KIF13B: variants seen among roughly 807,000 people sequenced by gnomAD.
The protein encoded by KIF13B is kinesin-like protein KIF13B.
Under a neutral mutation model 222.0 loss-of-function variants are expected in KIF13B, and 127 were observed. The observed-to-expected ratio is 0.57, with a 90% CI of 0.50 to 0.66. The LOEUF is 0.66. Ranked by LOEUF, KIF13B falls within the 30% of genes least tolerant of loss-of-function variation. The pLI is 0.00. For synonymous variants in KIF13B, 976 were observed against 919.0 expected (o/e 1.06, Z -1.12); for missense variants, 2,173 against 2,379.0 (o/e 0.91, Z 1.80).
Position 29,123,434 on chromosome 8 carries a change from T to G in KIF13B, c.3411A>C (p.Leu1137=), listed in dbSNP as rs1243895999. The part of the protein sequence containing the change: ...EAQLLEMRLT[L]TEERNAVMVP... ...CCATCACCGCGTTCCTCTCCTCAGTTAGGGTCAACCGCATCTCCAGAAGCT... is the reference window on the plus strand; with the variant it reads ...CCATCACCGCGTTCCTCTCCTCAGTGAGGGTCAACCGCATCTCCAGAAGCT... Residue 1137 remains leucine (L), a synonymous_variant, in exon 28 of 40, where the codon CTA becomes CTC. Coordinates refer to ENST00000524189, the MANE Select transcript of KIF13B (RefSeq NM_015254.4). The G allele has an allele frequency of 6.2e-7, 1 of 1,614,064 alleles. No individual in the cohort carries two copies.
At chr8:29,209,671 A>G (rs1586929248) in intron 2 of KIF13B, among the ~76,000 whole-genome samples, 1 of 152,266 alleles carries the variant, frequency 6.6e-6, no homozygotes, top group African/African-American at 2.4e-5. Context: ...GAGAACTGGC[A>G]CAAGCTTTGG....
intron 36 of KIF13B, among the ~76,000 whole-genome samples, chr8:29,095,307 A>G (rs951303641): frequency 2.6e-4 from 39 of 152,374 alleles, no homozygotes; most frequent in African/African-American, 8.4e-4. Context: ...AGCAGAAAAG[A>G]AGGAGCTGGA....
In KIF13B at chr8:29,180,250, C is replaced by G. The variant is rs781608099; in HGVS notation, c.586-12G>C. 80 of 1,613,664 alleles carry G rather than the reference C, an allele frequency of 5.0e-5. No individual in the cohort carries two copies. Among genetic ancestry groups the G allele is most frequent in the Non-Finnish European group, 6.6e-5 (78 of 1,179,714 alleles). On this transcript the variant is annotated splice_polypyrimidine_tract_variant and intron_variant, in intron 7 of 39. Transcript: ENST00000524189. ...AACGACTCAATATCCTAAGTGGAAA[C>G]AAGTCATAGACCCACGTTTCATTAC...
chr8:29,251,348 G>C lies in KIF13B; in HGVS notation c.56-5909C>G, dbSNP rs376472481. On this transcript the variant is annotated intron_variant, in intron 1 of 39. Coordinates refer to ENST00000524189, the MANE Select transcript of KIF13B (RefSeq NM_015254.4). ...AAAAACAGCACTAAAGTGTACCCGT[G>C]TTCACAGCAGCAGCTAAAATGCAGA... 2.0e-5 allele frequency among the ~76,000 whole-genome samples: 3 copies of C among 152,312 alleles called. No individual in the cohort carries two copies. The East Asian group carries it at 5.8e-4, about 29-fold the overall frequency.
At chr8:29,122,753 T>A in intron 28 of KIF13B, 107 bp from the exon 29 acceptor site, 1 of 852,982 alleles carries the variant, frequency 1.2e-6, no homozygotes. Flanking sequence ...GGCAAAGCAG[T>A]AATAACCCTG....
chr8:29,114,058 G>T (rs1728719839), intron 31 of KIF13B, among the ~76,000 whole-genome samples: 1 of 152,202 alleles, frequency 6.6e-6, no homozygotes, highest in Non-Finnish European at 1.5e-5. Flanking sequence ...TGTTTATGCT[G>T]ACTGCGCTCT....
At chr8:29,205,779 T>C (rs781602137) in intron 2 of KIF13B, among the ~76,000 whole-genome samples, 1 of 152,080 alleles carries the variant, frequency 6.6e-6, no homozygotes, top group Non-Finnish European at 1.5e-5. Context: ...GTTGGAAAGC[T>C]TGGTACTTCA....
chr8:29,263,161 G>A, upstream of KIF13B: 4 of 781,626 alleles, frequency 5.1e-6, no homozygotes, highest in African/African-American at 1.9e-5. Flanking sequence ...GGGCGGGGCC[G>A]GCGCGAGCTC....
At chr8:29,124,400 A>G (rs1210083294) in intron 26 of KIF13B, among the ~76,000 whole-genome samples, 4 of 152,200 alleles carry the variant, frequency 2.6e-5, no homozygotes, top group East Asian at 1.9e-4. Context: ...ACCTGCAACA[A>G]AAATCTTCTA....
chr8:29,230,067 G>C (rs1427183733), intron 2 of KIF13B, among the ~76,000 whole-genome samples: 1 of 152,164 alleles, frequency 6.6e-6, no homozygotes, highest in Non-Finnish European at 1.5e-5. Context: ...CCATGTACCA[G>C]ACATTTTACA....
At chr8:29,087,738 C>A (rs943216258) in intron 37 of KIF13B, among the ~76,000 whole-genome samples, 6 of 152,106 alleles carry the variant, frequency 3.9e-5, no homozygotes, top group African/African-American at 9.7e-5. Context: ...TTAGGAAGCA[C>A]CCTGGCGAGA....
intron 19 of KIF13B, 116 bp downstream of exon 19, chr8:29,142,041 A>G: frequency 1.4e-6 from 1 of 706,114 alleles, no homozygotes; most frequent in Non-Finnish European, 2.3e-6. Flanking sequence ...ACCTTACTCC[A>G]GAAATAGGAT....
At chr8:29,127,893 ATT>A (rs1362210678) in intron 24 of KIF13B, among the ~76,000 whole-genome samples, 10 of 152,056 alleles carry the variant, frequency 6.6e-5, no homozygotes, top group East Asian at 1.9e-4. Context: ...TAACTTTATT[ATT>A]TGTTTTATAC....
intron 38 of KIF13B, 83 bp downstream of exon 38, chr8:29,075,198 G>A (rs1320361753): frequency 6.7e-6 from 7 of 1,044,206 alleles, no homozygotes; most frequent in Non-Finnish European, 1.0e-5. Flanking sequence ...ATCAAAAACT[G>A]TGGGTGTGGA....
intron 10 of KIF13B, 81 bp from the exon 11 acceptor site, chr8:29,167,666 T>G: frequency 8.5e-7 from 1 of 1,179,030 alleles, no homozygotes; most frequent in Non-Finnish European, 1.2e-6. Flanking sequence ...TCAAAAATGG[T>G]GAACAAATTT....
At chr8:29,144,749 A>G (rs928531494) in intron 18 of KIF13B, among the ~76,000 whole-genome samples, 1 of 152,194 alleles carries the variant, frequency 6.6e-6, no homozygotes, top group Non-Finnish European at 1.5e-5. Flanking sequence ...TGGAAATAAG[A>G]AAAAAATTCA....
At chr8:29,144,503 C>T (rs1810966539) in intron 18 of KIF13B, among the ~76,000 whole-genome samples, 1 of 152,144 alleles carries the variant, frequency 6.6e-6, no homozygotes, top group Non-Finnish European at 1.5e-5. Flanking sequence ...GGTGATCCGC[C>T]CACCTTGTCC....
chr8:29,151,967 C>T (rs1486575246), intron 14 of KIF13B, among the ~76,000 whole-genome samples: 1 of 152,136 alleles, frequency 6.6e-6, no homozygotes, highest in African/African-American at 2.4e-5. Flanking sequence ...TTCTAAGATG[C>T]CATTAAGAAC....
At chr8:29,095,991 T>G (rs1009538843) in intron 36 of KIF13B, among the ~76,000 whole-genome samples, 6 of 151,720 alleles carry the variant, frequency 4.0e-5, no homozygotes, top group Non-Finnish European at 7.4e-5. Context: ...TTTTTGTTTT[T>G]TTTTTTTTAA....
Sources: gnomAD v4.1 joint callset for allele counts (sites outside exome capture counted in the v4.1 genomes callset) on GRCh38, gnomAD v4.1.1 for gene constraint, MANE v1.5 for transcripts, NCBI Gene and HGNC (gene_info 2026-07-23, HGNC 2026-07-21) for gene names.